Variants in NFX1 observed in about 807,000 individuals in gnomAD.
The protein encoded by NFX1 is transcriptional repressor NF-X1.
Under a neutral mutation model 137.2 loss-of-function variants are expected in NFX1, and 69 were observed. The observed-to-expected ratio is 0.50, with a 90% CI of 0.41 to 0.61. NFX1 has a LOEUF of 0.61. Ranked by LOEUF, NFX1 falls within the 20% of genes least tolerant of loss-of-function variation. NFX1 has a pLI of 0.00. For missense variants in NFX1, 1,167 were observed against 1,391.0 expected (o/e 0.84, Z 2.56); for synonymous variants, 495 against 474.1 (o/e 1.04, Z -0.57).
intron 7 of NFX1, among the ~76,000 whole-genome samples, chr9:33,315,381 A>G (rs910527947): frequency 2.6e-5 from 4 of 152,194 alleles, no homozygotes; most frequent in African/African-American, 4.8e-5. Context: ...TAGTCATGAT[A>G]CAACTCTAAT....
chr9:33,338,235 A>C (rs949965298), intron 11 of NFX1, among the ~76,000 whole-genome samples: 17 of 151,946 alleles, frequency 1.1e-4, no homozygotes, highest in African/African-American at 4.1e-4. Context: ...GGCACCTGTA[A>C]GCCCAGCTAC....
intron 9 of NFX1, among the ~76,000 whole-genome samples, chr9:33,323,116 A>G (rs115327076): frequency 1.6e-4 from 25 of 152,312 alleles, no homozygotes; most frequent in Admixed American, 5.9e-4. Flanking sequence ...AATCAAGACA[A>G]AGAGAGCCCT....
intron 12 of NFX1, among the ~76,000 whole-genome samples, chr9:33,342,115 CTG>C (rs1449235072): frequency 2.8e-4 from 41 of 146,650 alleles, no homozygotes; most frequent in Middle Eastern, 3.5e-3. Flanking sequence ...GACCCTGTCT[CTG>C]TCTCTCTCTC....
chr9:33,310,593 C>T (rs966371829), intron 5 of NFX1, among the ~76,000 whole-genome samples: 5 of 152,152 alleles, frequency 3.3e-5, no homozygotes, highest in Non-Finnish European at 7.4e-5. Context: ...TAGCATGCCT[C>T]CCCTCATGTC....
At chr9:33,329,027 A>G (rs1822702328) in intron 10 of NFX1, among the ~76,000 whole-genome samples, 1 of 152,208 alleles carries the variant, frequency 6.6e-6, no homozygotes, top group Admixed American at 6.5e-5. Context: ...AATTTGATAA[A>G]AGGACTCACC....
chr9:33,343,962 C>G, intron 13 of NFX1, 107 bp from the exon 14 acceptor site: 1 of 1,454,718 alleles, frequency 6.9e-7, no homozygotes, highest in Admixed American at 1.8e-5. Context: ...CCCATAAATT[C>G]TCCTCTAAAA....
At chr9:33,326,565 G>C (rs35315823) in intron 9 of NFX1, among the ~76,000 whole-genome samples, 20,831 of 151,736 alleles carry the variant, frequency 0.14, 1,569 homozygotes, top group South Asian at 0.17. Context: ...AAAGAAATTT[G>C]TAAAATTACC....
At chr9:33,299,920 G>A (rs1821491359) in intron 2 of NFX1, among the ~76,000 whole-genome samples, 1 of 152,038 alleles carries the variant, frequency 6.6e-6, no homozygotes, top group Non-Finnish European at 1.5e-5. Context: ...CAATATTATG[G>A]AATATTACAG....
chr9:33,329,491 A>C (rs1351280429), intron 10 of NFX1, among the ~76,000 whole-genome samples: 1 of 152,172 alleles, frequency 6.6e-6, no homozygotes, highest in Admixed American at 6.5e-5. Context: ...AATGACACTT[A>C]TATCAGGCAT....
intron 2 of NFX1, among the ~76,000 whole-genome samples, chr9:33,296,800 C>T (rs960332058): frequency 2.0e-5 from 3 of 152,236 alleles, no homozygotes; most frequent in Admixed American, 6.5e-5. Context: ...TAATCTCTTA[C>T]AGCCCTCACG....
intron 1 of NFX1, 69 bp downstream of exon 1, chr9:33,290,666 T>G: frequency 6.7e-7 from 1 of 1,499,834 alleles, no homozygotes; most frequent in Non-Finnish European, 9.1e-7. Context: ...GACGAAGTTC[T>G]AGGGCCTCAG....
Position 33,309,035 on chromosome 9 carries a change from G to A in NFX1, c.1376+1736G>A, listed in dbSNP as rs1180994365. Among the ~76,000 whole-genome samples the A allele has an allele frequency of 2.6e-4, 39 of 152,142 alleles. 1 individual carries two copies. Among genetic ancestry groups the A allele is most frequent in the Admixed American group, 2.5e-3 (38 of 15,272 alleles). On this transcript the variant is annotated intron_variant, in intron 5 of 23. Coordinates refer to ENST00000379540, the MANE Select transcript of NFX1 (RefSeq NM_002504.6). ...AGGAGTTAAGCTATTCTTGCCATTA[G>A]TTGTCATTTTCAGTAAATTCAGTAA...
At chr9:33,361,741 C>CCAGCCTGGGCGACAAGAG (rs750972739) in intron 19 of NFX1, among the ~76,000 whole-genome samples, 4 of 152,116 alleles carry the variant, frequency 2.6e-5, no homozygotes, top group African/African-American at 7.2e-5. Flanking sequence ...CTATTGTACT[C>CCAGCCTGGGCGACAAGAG]CAGCCTGGGC....
intron 15 of NFX1, chr9:33,347,946 T>A (rs1342144886): frequency 6.3e-6 from 1 of 158,040 alleles, no homozygotes; most frequent in Non-Finnish European, 1.4e-5. Context: ...AAACATCGTA[T>A]GTTCTCAATT....
In NFX1 at chr9:33,367,495, G is replaced by A; in HGVS notation, c.3186-20G>A. 6.2e-7 allele frequency: 1 copy of A among 1,610,202 alleles called. No homozygotes were observed. Reference sequence around the variant, plus strand: ...AAACAATTCTCACTTTTCAATGCTTGGTGTTTTGACTTTTATCAGGGGGAA... The same window carrying A: ...AAACAATTCTCACTTTTCAATGCTTAGTGTTTTGACTTTTATCAGGGGGAA... On this transcript the variant is annotated intron_variant, in intron 22 of 23. Coordinates refer to ENST00000379540, the MANE Select transcript of NFX1 (RefSeq NM_002504.6).
chr9:33,313,022 A>T (rs1822019142), intron 6 of NFX1, among the ~76,000 whole-genome samples: 2 of 152,206 alleles, frequency 1.3e-5, no homozygotes, highest in Admixed American at 6.5e-5. Context: ...GGATAATGCC[A>T]TTGTGCTGTT....
In NFX1 at chr9:33,328,568, G is replaced by T; in HGVS notation, c.1907-13G>T. The T allele has an allele frequency of 6.3e-7, 1 of 1,592,364 alleles. No homozygotes were observed. Among genetic ancestry groups the T allele is most frequent in the Non-Finnish European group, 8.6e-7 (1 of 1,163,406 alleles). ...GCAGTTTTCATTTCCAGCTCTTTTC[G>T]TTTTTATTAAAGATTTCATTCATAC... is the stretch of plus-strand genomic sequence containing the variant. On this transcript the variant is annotated splice_polypyrimidine_tract_variant and intron_variant, in intron 9 of 23. Transcript: ENST00000379540.
chr9:33,341,806 T>C (rs1373834080), intron 12 of NFX1, among the ~76,000 whole-genome samples: 1 of 138,974 alleles, frequency 7.2e-6, no homozygotes, highest in Non-Finnish European at 1.5e-5. Flanking sequence ...ACCCGGTCTC[T>C]AAATAAATAG....
intron 1 of NFX1, 72 bp from the exon 2 acceptor site, chr9:33,294,348 T>C (rs1821267036): frequency 1.5e-6 from 2 of 1,342,490 alleles, no homozygotes; most frequent in Non-Finnish European, 2.0e-6. Flanking sequence ...TTTTTAGATT[T>C]GGCTTGGAGT....
Sources: allele counts gnomAD v4.1 joint callset (sites outside exome capture counted in the v4.1 genomes callset), GRCh38; gene constraint gnomAD v4.1.1; transcripts MANE v1.5; gene names NCBI Gene and HGNC (gene_info 2026-07-23, HGNC 2026-07-21).